The following HCK variants were observed in gnomAD, a reference collection of about 807,000 sequenced individuals.
HCK encodes HCK proto-oncogene, Src family tyrosine kinase.
HCK carries 40 observed loss-of-function variants against 70.4 expected under a neutral mutation model. The observed-to-expected ratio is 0.57, with a 90% CI of 0.44 to 0.74. The LOEUF (loss-of-function observed/expected upper bound fraction) is 0.74. HCK is among the 30% of genes least tolerant of loss of function. The pLI is 0.00. For synonymous variants in HCK, 245 were observed against 263.2 expected (o/e 0.93, Z 0.67); for missense variants, 568 against 697.2 (o/e 0.81, Z 2.09).
rs140392783 is a variant in HCK at position 32,099,006 on chromosome 20, G to T, written c.1249G>T (p.Ala417Ser). 5.6e-6 allele frequency: 9 copies of T among 1,614,042 alleles called. No homozygotes were observed. The African/African-American group carries it at 1.1e-4, about 19-fold the overall frequency. The change falls in exon 12 of 13, where the codon GCC becomes TCC. Residue 417 changes from alanine to serine, a missense_variant and splice_region_variant. Ala to Ser is a moderately conservative substitution (Grantham distance 99, BLOSUM62 1). Coordinates refer to ENST00000375852, the MANE Select transcript of HCK (RefSeq NM_002110.5). ...CTCTGCTCTGTTCAACCCTGCAGGG[G>T]CCAAGTTCCCCATCAAGTGGACAGC... is the stretch of plus-strand genomic sequence containing the variant.
In HCK at chr20:32,084,434, G is replaced by A; in HGVS notation, c.726G>A (p.Met242Ile). 1.2e-6 allele frequency: 2 copies of A among 1,614,146 alleles called. No individual in the cohort carries two copies. The highest frequency in any genetic ancestry group is 1.7e-6 in the Non-Finnish European group (2 of 1,179,994). Residue 242 changes from methionine to isoleucine, a missense_variant, in exon 8 of 13, where the codon ATG becomes ATA. Physicochemically the swap from Met to Ile is conservative, Grantham distance 10. Coordinates refer to ENST00000375852, the MANE Select transcript of HCK (RefSeq NM_002110.5). ...GCCAGAAACTGTCGGTGCCCTGCAT[G>A]TCTTCCAAGCCCCAGAAGCCTTGGG...
At chr20:32,058,382 A>T (rs2045306189) in intron 1 of HCK, among the ~76,000 whole-genome samples, 1 of 152,014 alleles carries the variant, frequency 6.6e-6, no homozygotes, top group Admixed American at 6.6e-5. Context: ...AAATGCAAAA[A>T]TTAGCCGGGC....
intron 11 of HCK, among the ~76,000 whole-genome samples, chr20:32,096,451 G>GTGCA (rs1402551080): frequency 6.9e-6 from 1 of 145,602 alleles, no homozygotes; most frequent in East Asian, 2.1e-4. Context: ...AATGAGCCGA[G>GTGCA]ATTGTGCCAT....
intron 9 of HCK, 132 bp downstream of exon 9, chr20:32,086,939 C>G: frequency 1.3e-6 from 1 of 741,396 alleles, no homozygotes; most frequent in Non-Finnish European, 2.1e-6. Flanking sequence ...AACAAGTACT[C>G]ATTGAGAATC....
intron 1 of HCK, among the ~76,000 whole-genome samples, chr20:32,060,018 G>A (rs2045343291): frequency 1.3e-5 from 2 of 152,044 alleles, no homozygotes; most frequent in South Asian, 4.1e-4. Context: ...ACAGGTTTGG[G>A]GGCAGCTGAT....
chr20:32,071,787 G>A lies in HCK; in HGVS notation c.183+5G>A. ...CCCACATCCACCATCAAGCCGGTGA[G>A]TAGGGGAGGTCCCAGTTTCCCTGGG... is the stretch of plus-strand genomic sequence containing the variant. On this transcript the variant is annotated splice_donor_5th_base_variant and intron_variant, in intron 2 of 12. Transcript: ENST00000375852. The A allele has an allele frequency of 6.2e-7, 1 of 1,612,864 alleles. No individual in the cohort carries two copies. Among genetic ancestry groups the A allele is most frequent in the Non-Finnish European group, 8.5e-7 (1 of 1,179,386 alleles).
chr20:32,082,437 T>C (rs566215859), intron 6 of HCK, among the ~76,000 whole-genome samples: 2 of 151,736 alleles, frequency 1.3e-5, no homozygotes, highest in Admixed American at 6.6e-5. Context: ...AGCTCAGGAG[T>C]TGGAGACCAG....
chr20:32,084,477 A>AT lies in HCK; in HGVS notation c.770dup (p.Arg259SerfsTer57). Reference sequence around the variant, plus strand: ...GCCTTGGGAGAAAGATGCCTGGGAGATCCCTCGGGAATCCCTCAAGCTGGA... The same window carrying AT: ...GCCTTGGGAGAAAGATGCCTGGGAGATTCCCTCGGGAATCCCTCAAGCTGGA... On this transcript the variant is annotated frameshift_variant, in exon 8 of 13. Coordinates refer to ENST00000375852, the MANE Select transcript of HCK (RefSeq NM_002110.5). LOFTEE classifies it high-confidence loss of function. The AT allele has an allele frequency of 6.2e-7, 1 of 1,614,008 alleles. No homozygotes were observed. Among genetic ancestry groups the AT allele is most frequent in the South Asian group, 1.1e-5 (1 of 91,078 alleles).
chr20:32,093,489 T>TTGTGTGTGTGTGTGTG (rs2045890834), intron 10 of HCK, among the ~76,000 whole-genome samples: 1 of 96,576 alleles, frequency 1.0e-5, no homozygotes, highest in Non-Finnish European at 2.2e-5. Flanking sequence ...ATCCTAGGGT[T>TTGTGTGTGTGTGTGTG]CGTGTGTGTG....
At chr20:32,084,184 G>GCTTA in intron 7 of HCK, 141 bp downstream of exon 7, 1 of 1,087,170 alleles carries the variant, frequency 9.2e-7, no homozygotes, top group Non-Finnish European at 1.3e-6. Context: ...GCTTCTGAAG[G>GCTTA]CTTAGGACTG....
intron 11 of HCK, among the ~76,000 whole-genome samples, chr20:32,094,946 A>G (rs910660353): frequency 6.6e-6 from 1 of 152,202 alleles, no homozygotes; most frequent in Non-Finnish European, 1.5e-5. Flanking sequence ...ACCAAAAAAA[A>G]AGAGTAGATG....
chr20:32,085,310 C>T lies in HCK; in HGVS notation c.835+767C>T, dbSNP rs60902201. On this transcript the variant is annotated intron_variant, in intron 8 of 12. Coordinates refer to ENST00000375852, the MANE Select transcript of HCK (RefSeq NM_002110.5). Reference sequence around the variant, plus strand: ...AGTGGATCAATCAAGGTCAGCAGTTCGAGAAAAACCTGGATAGTATAGTGA... The same window carrying T: ...AGTGGATCAATCAAGGTCAGCAGTTTGAGAAAAACCTGGATAGTATAGTGA... 0.018 allele frequency among the ~76,000 whole-genome samples: 2,672 copies of T among 152,192 alleles called. 141 individuals are homozygous for T. The East Asian group carries it at 0.2, about 11-fold the overall frequency.
In HCK at chr20:32,079,810, GC is replaced by G. The variant is rs764268909; in HGVS notation, c.466del (p.Arg156AlafsTer14). On this transcript the variant is annotated frameshift_variant, in exon 6 of 13. Transcript: ENST00000375852. LOFTEE classifies it high-confidence loss of function. Reference sequence around the variant, plus strand: ...AGGGCATCAGCCGGAAGGACGCAGAGCGCCAACTGCTGGCTCCCGGCAACAT... The same window carrying G: ...AGGGCATCAGCCGGAAGGACGCAGAGGCCAACTGCTGGCTCCCGGCAACAT... 6.2e-7 allele frequency: 1 copy of G among 1,614,170 alleles called. No homozygotes were observed. The highest frequency in any genetic ancestry group is 8.5e-7 in the Non-Finnish European group (1 of 1,180,008).
intron 9 of HCK, 49 bp downstream of exon 9, chr20:32,086,856 A>T (rs2045796120): frequency 6.8e-7 from 1 of 1,479,028 alleles, no homozygotes; most frequent in Admixed American, 2.3e-5. Context: ...ATACTGGTCA[A>T]TTGCGGGCCC....
At chr20:32,060,377 C>T (rs1233219179) in intron 1 of HCK, among the ~76,000 whole-genome samples, 1 of 152,126 alleles carries the variant, frequency 6.6e-6, no homozygotes. Flanking sequence ...CCCACTACCA[C>T]GCCCAGCTAA....
chr20:32,073,641 G>A (rs1309526270), intron 3 of HCK, 75 bp from the exon 4 acceptor site: 1 of 975,266 alleles, frequency 1.0e-6, no homozygotes, highest in Non-Finnish European at 1.6e-6. Context: ...GCTGTTCCAG[G>A]TGCCGGGTGA....
intron 4 of HCK, 38 bp from the exon 5 acceptor site, chr20:32,074,585 T>A: frequency 6.9e-7 from 1 of 1,457,046 alleles, no homozygotes; most frequent in Non-Finnish European, 9.6e-7. Flanking sequence ...AGAATGATCC[T>A]TCTGTCCCTA....
At chr20:32,078,855 T>A (rs1173290470) in intron 5 of HCK, among the ~76,000 whole-genome samples, 3 of 23,706 alleles carry the variant, frequency 1.3e-4, no homozygotes, top group Non-Finnish European at 6.0e-5. Flanking sequence ...AGACTCAGTC[T>A]CAAAAAAAAA....
rs367698836 is a variant in HCK at position 32,097,585 on chromosome 20, C to CATAAATAAATAA, written c.1247-1404_1247-1393dup. The stretch of plus-strand genomic sequence containing the variant: ...AACAGAGCGAGACCCTGTCTCAAAA[C>CATAAATAAATAA]ATAAATAAATAAATAAATAAATAAA... On this transcript the variant is annotated intron_variant, in intron 11 of 12. Coordinates refer to ENST00000375852, the MANE Select transcript of HCK (RefSeq NM_002110.5). Among the ~76,000 whole-genome samples the CATAAATAAATAA allele has an allele frequency of 1.8e-4, 28 of 151,530 alleles. 1 individual carries two copies. Among genetic ancestry groups the CATAAATAAATAA allele is most frequent in the African/African-American group, 6.8e-4 (28 of 41,246 alleles).
Sources: allele counts gnomAD v4.1 joint callset (sites outside exome capture counted in the v4.1 genomes callset), GRCh38; gene constraint gnomAD v4.1.1; transcripts MANE v1.5; gene names NCBI Gene and HGNC (gene_info 2026-07-23, HGNC 2026-07-21).